IQSEC1: variants seen among roughly 807,000 people sequenced by gnomAD.
The protein encoded by IQSEC1 is IQ motif and Sec7 domain ArfGEF 1, also known as IQ motif and SEC7 domain-containing protein 1.
Under a neutral mutation model 91.0 loss-of-function variants are expected in IQSEC1, and 31 were observed. That is an observed-to-expected ratio of 0.34 (90% CI 0.26 to 0.46). IQSEC1 has a LOEUF of 0.46. Ranked by LOEUF, IQSEC1 falls within the 20% of genes least tolerant of loss-of-function variation. The pLI is 1.00. For synonymous variants in IQSEC1, 699 were observed against 662.6 expected, an observed-to-expected ratio of 1.05 and a Z score of -0.84; for missense variants, 1,388 against 1,575.6, an observed-to-expected ratio of 0.88 and a Z score of 2.02.
rs1186813046 is a variant in IQSEC1 at position 12,899,302 on chromosome 3, G to A, written c.*1681C>T. 25 of 1,455,896 alleles carry A rather than the reference G, an allele frequency of 1.7e-5. No individual in the cohort carries two copies. The highest frequency in any genetic ancestry group is 9.7e-5 in the East Asian group (4 of 41,396). 90.2% of individuals were successfully genotyped at this position (1,455,896 alleles called of 1,614,324 possible). A position where few individuals can be genotyped will look rare whatever the true frequency, so the allele number is the denominator to read the frequency against. Reference sequence around the variant, plus strand: ...CTGTCCACTGGGAACGCGGCCCCGCGGCCCGCAGAGTCAGGCGTGAGCTTC... The same window carrying A: ...CTGTCCACTGGGAACGCGGCCCCGCAGCCCGCAGAGTCAGGCGTGAGCTTC... On this transcript the variant is annotated 3_prime_UTR_variant, in exon 14 of 14. Coordinates refer to ENST00000613206, the MANE Select transcript of IQSEC1 (RefSeq NM_001134382.3).
Position 13,117,839 on chromosome 3 carries a change from C to T in IQSEC1, c.302+46265G>A, listed in dbSNP as rs145752637. On this transcript the variant is annotated intron_variant, in intron 2 of 15. Transcript: ENST00000648114. Reference sequence around the variant, plus strand: ...GGCAGAGGTTGCAGTGAGCCAAGATCACACCACTGCACTCCAGCCTAGCTG... The same window carrying T: ...GGCAGAGGTTGCAGTGAGCCAAGATTACACCACTGCACTCCAGCCTAGCTG... 3.7e-3 allele frequency among the ~76,000 whole-genome samples: 559 copies of T among 152,240 alleles called. 1 individual carries two copies. Among genetic ancestry groups the T allele is most frequent in the African/African-American group, 0.012 (482 of 41,520 alleles).
chr3:13,146,895 C>T (rs116299959), intron 2 of IQSEC1, among the ~76,000 whole-genome samples: 55 of 152,252 alleles, frequency 3.6e-4, no homozygotes, highest in African/African-American at 1.2e-3. Flanking sequence ...ATAAAAGAAA[C>T]GTGGGTGTGG....
intron 1 of IQSEC1, among the ~76,000 whole-genome samples, chr3:12,989,856 G>C (rs533542204): frequency 6.6e-5 from 10 of 152,316 alleles, no homozygotes; most frequent in Middle Eastern, 3.4e-3. Context: ...TTGGTTCAGG[G>C]AGGGGAAGGG....
At chr3:13,096,265 C>T (rs1200818613) in intron 2 of IQSEC1, among the ~76,000 whole-genome samples, 8 of 152,240 alleles carry the variant, frequency 5.3e-5, no homozygotes, top group Admixed American at 1.3e-4. Flanking sequence ...CCAGGCTACG[C>T]CCTAGCTCTT....
intron 1 of IQSEC1, among the ~76,000 whole-genome samples, chr3:13,051,497 G>A (rs1409083889): frequency 6.6e-6 from 1 of 152,180 alleles, no homozygotes; most frequent in African/African-American, 2.4e-5. Context: ...ATCTTGGGGT[G>A]GGGTCTGTTC....
chr3:12,901,026 G>T lies in IQSEC1; in HGVS notation c.3302C>A (p.Thr1101Asn), dbSNP rs775882374. The stretch of plus-strand genomic sequence containing the variant: ...GCCGCTGGGTTTGGCCTTGCTGCTG[G>T]TGGGGGGCGGCGGGGCAGGGGGCTG... ...HGQPPAPPPPTSSKAKPSGIS... is the reference protein window; with the variant it reads ...HGQPPAPPPPNSSKAKPSGIS... The change falls in exon 14 of 14, where the codon ACC becomes AAC. Residue 1101 changes from threonine (T) to asparagine (N), a missense_variant. Thr to Asn is a moderately conservative substitution (Grantham distance 65). Coordinates refer to ENST00000613206, the MANE Select transcript of IQSEC1 (RefSeq NM_001134382.3). 2.3e-5 allele frequency: 35 copies of T among 1,544,526 alleles called. No homozygotes were observed. Among genetic ancestry groups the T allele is most frequent in the Admixed American group, 3.9e-5 (2 of 50,980 alleles).
chr3:13,276,887 A>G (rs1289650462), intron 1 of IQSEC1, among the ~76,000 whole-genome samples: 2 of 152,148 alleles, frequency 1.3e-5, no homozygotes, highest in African/African-American at 4.8e-5. Context: ...GGGTGGGGGC[A>G]GCACACTGGA....
intron 1 of IQSEC1, among the ~76,000 whole-genome samples, chr3:13,227,104 G>A (rs1694766486): frequency 6.6e-6 from 1 of 151,920 alleles, no homozygotes; most frequent in African/African-American, 2.4e-5. Flanking sequence ...GGCCAGGCGT[G>A]GTGGCTCACG....
At chr3:12,926,925 GT>G (rs1697195460) in intron 3 of IQSEC1, among the ~76,000 whole-genome samples, 3 of 152,222 alleles carry the variant, frequency 2.0e-5, no homozygotes, top group Non-Finnish European at 4.4e-5. Flanking sequence ...CACAGAAGTG[GT>G]AATGGAGTGG....
intron 2 of IQSEC1, among the ~76,000 whole-genome samples, chr3:13,082,850 GCC>G (rs1218324935): frequency 6.6e-6 from 1 of 152,108 alleles, no homozygotes; most frequent in Non-Finnish European, 1.5e-5. Flanking sequence ...CAGCCAAGGG[GCC>G]CACTGTCAGC....
At chr3:13,044,920 C>G (rs555331791) in intron 1 of IQSEC1, among the ~76,000 whole-genome samples, 4 of 152,234 alleles carry the variant, frequency 2.6e-5, no homozygotes, top group African/African-American at 7.2e-5. Flanking sequence ...CTGGTAGCAG[C>G]GGGGGCCCTG....
chr3:13,186,577 C>T lies in IQSEC1; in HGVS notation c.273-22444G>A, dbSNP rs61210396. ...GTGCCGCCTGCCAGTCTGTGAGGACCGCCTACAGCTGCCTGAAAGCCACAG... is the reference window on the plus strand; with the variant it reads ...GTGCCGCCTGCCAGTCTGTGAGGACTGCCTACAGCTGCCTGAAAGCCACAG... On this transcript the variant is annotated intron_variant, in intron 1 of 15. Coordinates refer to the IQSEC1 transcript ENST00000648114. 4.9e-3 allele frequency among the ~76,000 whole-genome samples: 744 copies of T among 152,262 alleles called. 9 individuals carry two copies. Among genetic ancestry groups the T allele is most frequent in the African/African-American group, 0.017 (708 of 41,532 alleles).
chr3:13,248,997 G>A (rs1430585050), intron 1 of IQSEC1, among the ~76,000 whole-genome samples: 1 of 152,074 alleles, frequency 6.6e-6, no homozygotes, highest in Admixed American at 6.6e-5. Flanking sequence ...CCGTGCTCCT[G>A]ACTTCAATTC....
At chr3:13,053,329 C>G (rs1704760634) in intron 1 of IQSEC1, among the ~76,000 whole-genome samples, 1 of 152,116 alleles carries the variant, frequency 6.6e-6, no homozygotes, top group Non-Finnish European at 1.5e-5. Flanking sequence ...ACCAGTGAAT[C>G]CCCTCGAGCC....
intron 6 of IQSEC1, among the ~76,000 whole-genome samples, chr3:12,919,808 A>G (rs1012894300): frequency 6.6e-6 from 1 of 152,208 alleles, no homozygotes; most frequent in Non-Finnish European, 1.5e-5. Context: ...GCACAGAGCC[A>G]CTTGGGAGAA....
chr3:13,104,677 C>T (rs1337808279), intron 2 of IQSEC1, among the ~76,000 whole-genome samples: 1 of 152,214 alleles, frequency 6.6e-6, no homozygotes, highest in Non-Finnish European at 1.5e-5. Context: ...CTCAGCTGCT[C>T]TCACGGGACC....
chr3:12,919,598 AC>A (rs1320588771), intron 6 of IQSEC1, among the ~76,000 whole-genome samples: 1 of 152,244 alleles, frequency 6.6e-6, no homozygotes, highest in African/African-American at 2.4e-5. Flanking sequence ...TCAGCTCCAC[AC>A]GCTCTTAGAG....
At chr3:13,050,869 C>A (rs1011074746) in intron 1 of IQSEC1, among the ~76,000 whole-genome samples, 3 of 152,084 alleles carry the variant, frequency 2.0e-5, no homozygotes, top group Admixed American at 2.0e-4. Flanking sequence ...ATGTGTGATA[C>A]CAACAAAATA....
chr3:13,162,079 G>A (rs1362567241), intron 2 of IQSEC1, among the ~76,000 whole-genome samples: 1 of 152,218 alleles, frequency 6.6e-6, no homozygotes, highest in Admixed American at 6.5e-5. Context: ...GGGTGGGGCT[G>A]GGGCAGACCA....
Sources: allele counts gnomAD v4.1 joint callset (sites outside exome capture counted in the v4.1 genomes callset), GRCh38; gene constraint gnomAD v4.1.1; transcripts MANE v1.5; gene names NCBI Gene and HGNC (gene_info 2026-07-23, HGNC 2026-07-21).